The following WAC variants were observed in gnomAD, a reference collection of about 807,000 sequenced individuals.
WAC encodes the protein WW domain containing adaptor with coiled-coil.
WAC carries 11 observed loss-of-function variants against 79.6 expected under a neutral mutation model. The observed-to-expected ratio is 0.14, with a 90% CI of 0.09 to 0.23. WAC has a LOEUF of 0.23. WAC is among the 10% of genes least tolerant of loss of function. The pLI, the probability that WAC is intolerant of heterozygous loss-of-function variation, is 1.00. For missense variants in WAC, 728 were observed against 773.5 expected, an observed-to-expected ratio of 0.94 and a Z score of 0.70; for synonymous variants, 304 against 276.9, an observed-to-expected ratio of 1.10 and a Z score of -0.97.
Position 28,608,308 on chromosome 10 carries a change from G to C in WAC, c.1042G>C (p.Val348Leu). The stretch of plus-strand genomic sequence containing the variant: ...TGCTTCAGCGGTCCCTGTTTCTCCT[G>C]TTCCACAGTCGCCAATACCTCCCTT... ...TSASAVPVSP[V>L]PQSPIPPLLQ... Residue 348 changes from valine to leucine, a missense_variant, in exon 8 of 14, where the codon GTT (valine) becomes CTT (leucine). Val to Leu is a conservative substitution (Grantham distance 32). Coordinates refer to ENST00000354911, the MANE Select transcript of WAC (RefSeq NM_016628.5). The C allele has an allele frequency of 6.2e-7, 1 of 1,614,148 alleles. No individual in the cohort carries two copies. The highest frequency in any genetic ancestry group is 8.5e-7 in the Non-Finnish European group (1 of 1,180,030).
At chr10:28,610,047 T>G (rs947230253) in intron 8 of WAC, among the ~76,000 whole-genome samples, 2 of 149,606 alleles carry the variant, frequency 1.3e-5, no homozygotes, top group African/African-American at 4.9e-5. Context: ...TTCTCCTGCC[T>G]CAGCCTCCCT....
intron 6 of WAC, among the ~76,000 whole-genome samples, chr10:28,594,888 T>C (rs1232663964): frequency 1.3e-5 from 2 of 152,202 alleles, no homozygotes; most frequent in Non-Finnish European, 2.9e-5. Flanking sequence ...AGTTGAAATT[T>C]TCGTTCTTTT....
At chr10:28,607,564 T>C (rs747111647) in intron 7 of WAC, among the ~76,000 whole-genome samples, 1 of 152,198 alleles carries the variant, frequency 6.6e-6, no homozygotes, top group Non-Finnish European at 1.5e-5. Flanking sequence ...TTTAATAATC[T>C]TAAAATGAAA....
chr10:28,611,742 T>C, intron 9 of WAC, 32 bp from the exon 10 acceptor site: 5 of 1,600,598 alleles, frequency 3.1e-6, no homozygotes, highest in Non-Finnish European at 4.3e-6. Context: ...GTTTTGTTTT[T>C]CTTTAAAATT....
chr10:28,541,420 G>GGT (rs1837031207), intron 3 of WAC, among the ~76,000 whole-genome samples: 5 of 49,210 alleles, frequency 1.0e-4, no homozygotes, highest in African/African-American at 2.2e-4. Context: ...TGTGTGTTTT[G>GGT]TTTTTTTTTT....
Position 28,616,264 on chromosome 10 carries a change from C to A in WAC, c.1648C>A (p.Arg550=). The A allele has an allele frequency of 6.2e-7, 1 of 1,613,910 alleles. No individual in the cohort carries two copies. The change falls in exon 12 of 14, where the codon CGA becomes AGA. Residue 550 remains arginine (R), a synonymous_variant. Transcript: ENST00000354911. The stretch of plus-strand genomic sequence containing the variant: ...AGTTGTACCACAGAATTCTTCTGCC[C>A]GATCCACGTGTTCATTAACGCCTGC... ...ATVVPQNSSA[R]STCSLTPALA...
chr10:28,578,478 T>C (rs1259338717), intron 3 of WAC, among the ~76,000 whole-genome samples: 1 of 152,182 alleles, frequency 6.6e-6, no homozygotes, highest in African/African-American at 2.4e-5. Flanking sequence ...CATAATATTT[T>C]GCTCCTGAGT....
chr10:28,553,618 G>A (rs554373356), intron 3 of WAC, among the ~76,000 whole-genome samples: 2 of 152,102 alleles, frequency 1.3e-5, no homozygotes, highest in African/African-American at 2.4e-5. Context: ...ATTGAGGGAA[G>A]GGTTGTTACT....
intron 7 of WAC, 34 bp from the exon 8 acceptor site, chr10:28,608,152 G>A (rs765111881): frequency 6.2e-7 from 1 of 1,610,316 alleles, no homozygotes; most frequent in South Asian, 1.1e-5. Context: ...TCTCTATTCA[G>A]GTAATTTTTC....
chr10:28,549,468 C>T (rs1350562431), intron 3 of WAC, among the ~76,000 whole-genome samples: 1 of 152,106 alleles, frequency 6.6e-6, no homozygotes, highest in Non-Finnish European at 1.5e-5. Context: ...TTTGGCTATT[C>T]CCTGTCCTGA....
intron 2 of WAC, 167 bp from the exon 3 acceptor site, chr10:28,535,395 G>A: frequency 1.5e-6 from 1 of 689,158 alleles, no homozygotes; most frequent in Non-Finnish European, 2.2e-6. Context: ...TTAAGCATTA[G>A]GTTTTTTGTC....
At chr10:28,563,801 CATGTT>C (rs1838442369) in intron 3 of WAC, among the ~76,000 whole-genome samples, 1 of 125,914 alleles carries the variant, frequency 7.9e-6, no homozygotes, top group Non-Finnish European at 1.6e-5. Context: ...GGGGTTTCAA[CATGTT>C]GGCCAGGATG....
In WAC at chr10:28,614,745, G is replaced by A; in HGVS notation, c.1556+60G>A. On this transcript the variant is annotated intron_variant, in intron 11 of 13. Transcript: ENST00000354911. ...TTATTTAATGATGGTACACTGCATT[G>A]TTTGAATATTATATCTGTAAAATAG... The A allele has an allele frequency of 4.6e-6, 6 of 1,293,540 alleles. No homozygotes were observed. The South Asian group carries it at 7.4e-5, about 16-fold the overall frequency. The allele number at this position is 1,293,540 out of a possible 1,614,324, so 80.1% of individuals were successfully genotyped here.
chr10:28,567,589 C>T (rs1258199074), intron 3 of WAC, among the ~76,000 whole-genome samples: 1 of 152,068 alleles, frequency 6.6e-6, no homozygotes, highest in Admixed American at 6.5e-5. Flanking sequence ...GCAGGGCTCC[C>T]TTCTGACAAT....
At chr10:28,540,550 GAC>G (rs1473507443) in intron 3 of WAC, among the ~76,000 whole-genome samples, 1 of 152,162 alleles carries the variant, frequency 6.6e-6, no homozygotes, top group Admixed American at 6.5e-5. Flanking sequence ...ATGGAAGCAT[GAC>G]ACAGATTTCA....
intron 3 of WAC, among the ~76,000 whole-genome samples, chr10:28,571,245 T>C (rs756905292): frequency 6.6e-6 from 1 of 152,098 alleles, no homozygotes; most frequent in Non-Finnish European, 1.5e-5. Flanking sequence ...ATATATACTT[T>C]TCATGTGCTT....
At chr10:28,590,949 A>G in intron 6 of WAC, 117 bp downstream of exon 6, 2 of 871,564 alleles carry the variant, frequency 2.3e-6, no homozygotes, top group Non-Finnish European at 3.6e-6. Context: ...ACATACGGAG[A>G]TTCTTTTATG....
At chr10:28,540,375 A>G (rs1347819274) in intron 3 of WAC, among the ~76,000 whole-genome samples, 2 of 152,202 alleles carry the variant, frequency 1.3e-5, no homozygotes, top group Admixed American at 6.6e-5. Context: ...TTACTATGGC[A>G]TGAATTAGTT....
intron 3 of WAC, among the ~76,000 whole-genome samples, chr10:28,580,918 C>G (rs554549701): frequency 1.3e-5 from 2 of 152,214 alleles, no homozygotes; most frequent in Admixed American, 6.5e-5. Context: ...CTGTGACTTA[C>G]TACAGTGGAC....
Sources: gnomAD v4.1 joint callset for allele counts (sites outside exome capture counted in the v4.1 genomes callset) on GRCh38, gnomAD v4.1.1 for gene constraint, MANE v1.5 for transcripts, NCBI Gene and HGNC (gene_info 2026-07-23, HGNC 2026-07-21) for gene names.